EEFSEC: variants seen among roughly 807,000 people sequenced by gnomAD.
The protein encoded by EEFSEC is eukaryotic elongation factor, selenocysteine-tRNA specific.
EEFSEC carries 43 observed loss-of-function variants against 42.1 expected under a neutral mutation model. That is an observed-to-expected ratio of 1.02 (90% CI 0.80 to 1.32). EEFSEC has a LOEUF of 1.32. Ranked by LOEUF, EEFSEC falls within the 40% of genes most tolerant of loss-of-function variation. The probability of loss-of-function intolerance (pLI) is 0.00; values close to 1 mark genes in which losing one functional copy is unlikely to be tolerated. For synonymous variants in EEFSEC, 354 were observed against 339.1 expected, an observed-to-expected ratio of 1.04 and a Z score of -0.48; for missense variants, 745 against 803.6, an observed-to-expected ratio of 0.93 and a Z score of 0.88.
chr3:128,352,033 G>A (rs1235550584), intron 5 of EEFSEC, among the ~76,000 whole-genome samples: 1 of 152,190 alleles, frequency 6.6e-6, no homozygotes, highest in Non-Finnish European at 1.5e-5. Context: ...TTCCTCATTG[G>A]ATGTGCTTGT....
chr3:128,386,449 T>C (rs1339543785), intron 6 of EEFSEC, among the ~76,000 whole-genome samples: 16 of 151,102 alleles, frequency 1.1e-4, no homozygotes, highest in Admixed American at 1.1e-3. Context: ...CCCCCAGCCC[T>C]GTGGGATATG....
At chr3:128,348,889 T>C (rs148145318) in intron 5 of EEFSEC, among the ~76,000 whole-genome samples, 253 of 152,292 alleles carry the variant, frequency 1.7e-3, no homozygotes, top group African/African-American at 5.5e-3. Flanking sequence ...TGGGTCTTTC[T>C]AGTGGAGGAC....
At chr3:128,233,722 T>C (rs2065981310) in intron 1 of EEFSEC, among the ~76,000 whole-genome samples, 5 of 152,216 alleles carry the variant, frequency 3.3e-5, no homozygotes, top group Admixed American at 3.3e-4. Context: ...ATGCAGGCTC[T>C]TAGACTCTGG....
At chr3:128,378,145 G>A (rs2067731039) in intron 6 of EEFSEC, among the ~76,000 whole-genome samples, 1 of 152,166 alleles carries the variant, frequency 6.6e-6, no homozygotes, top group African/African-American at 2.4e-5. Flanking sequence ...TCTCCATAGT[G>A]TATACTCGTC....
chr3:128,226,961 C>A (rs1170033202), intron 1 of EEFSEC, among the ~76,000 whole-genome samples: 1 of 152,134 alleles, frequency 6.6e-6, no homozygotes, highest in African/African-American at 2.4e-5. Context: ...CCTGGGACAC[C>A]AGCCTGGCCT....
chr3:128,199,760 G>A (rs919463778), intron 1 of EEFSEC, among the ~76,000 whole-genome samples: 33 of 152,188 alleles, frequency 2.2e-4, no homozygotes, highest in African/African-American at 7.5e-4. Context: ...TTGAGATGGG[G>A]TCTCACTCTG....
intron 1 of EEFSEC, among the ~76,000 whole-genome samples, chr3:128,242,299 A>G (rs1376516823): frequency 6.6e-6 from 1 of 152,236 alleles, no homozygotes; most frequent in Non-Finnish European, 1.5e-5. Flanking sequence ...AGCCTGGGCA[A>G]CAGTAAGACC....
chr3:128,231,839 G>A (rs576899710), intron 1 of EEFSEC, among the ~76,000 whole-genome samples: 3 of 152,092 alleles, frequency 2.0e-5, no homozygotes, highest in African/African-American at 4.8e-5. Context: ...CCATCCTGTC[G>A]TATCTCCCCC....
intron 1 of EEFSEC, among the ~76,000 whole-genome samples, chr3:128,224,857 A>T (rs910313507): frequency 1.3e-5 from 2 of 152,246 alleles, no homozygotes; most frequent in African/African-American, 4.8e-5. Flanking sequence ...ATATAAGAAC[A>T]TATACATCCC....
chr3:128,306,243 G>A (rs908882135), intron 4 of EEFSEC, among the ~76,000 whole-genome samples: 4 of 152,172 alleles, frequency 2.6e-5, no homozygotes, highest in Admixed American at 6.5e-5. Flanking sequence ...AGAATATAAA[G>A]TTTGAGATAA....
chr3:128,377,754 C>G (rs906022735), intron 6 of EEFSEC, among the ~76,000 whole-genome samples: 1 of 152,222 alleles, frequency 6.6e-6, no homozygotes, highest in South Asian at 2.1e-4. Context: ...ATGAAAACAT[C>G]ACAGACATTT....
At chr3:128,320,229 G>T (rs1447870662) in intron 4 of EEFSEC, among the ~76,000 whole-genome samples, 1 of 152,212 alleles carries the variant, frequency 6.6e-6, no homozygotes, top group Non-Finnish European at 1.5e-5. Flanking sequence ...GGGCACTGGG[G>T]CAGAGCGCCA....
Position 128,195,944 on chromosome 3 carries a change from C to T in EEFSEC, c.316+42121C>T, listed in dbSNP as rs1049109537. Among the ~76,000 whole-genome samples, 7 of 152,218 alleles carry T rather than the reference C, an allele frequency of 4.6e-5. No homozygotes were observed. In the South Asian group the frequency reaches 6.2e-4, roughly 13 times the overall value. ...GAAGAACTGCTCTTCAAGAAGCAACCGTGGCCTGGCTAGACTTGGGCAATG... is the reference window on the plus strand; with the variant it reads ...GAAGAACTGCTCTTCAAGAAGCAACTGTGGCCTGGCTAGACTTGGGCAATG... On this transcript the variant is annotated intron_variant, in intron 1 of 6. Coordinates refer to ENST00000254730, the MANE Select transcript of EEFSEC (RefSeq NM_021937.5).
intron 1 of EEFSEC, among the ~76,000 whole-genome samples, chr3:128,237,505 G>A (rs192702278): frequency 3.4e-4 from 52 of 152,222 alleles, no homozygotes; most frequent in Admixed American, 6.5e-4. Context: ...ACAATTATGT[G>A]ATTGTCCCTG....
intron 4 of EEFSEC, among the ~76,000 whole-genome samples, chr3:128,327,074 C>G (rs755747332): frequency 7.9e-5 from 12 of 152,216 alleles, no homozygotes; most frequent in Admixed American, 2.0e-4. Context: ...ACAGAGCTAC[C>G]ACACTGCCTG....
the EEFSEC span, among the ~76,000 whole-genome samples, chr3:128,425,416 C>G: frequency 6.6e-6 from 1 of 152,022 alleles, no homozygotes; most frequent in South Asian, 2.1e-4. Flanking sequence ...GAAGGACACT[C>G]GGGCTGCTTC....
At chr3:128,159,339 C>T (rs1259022569) in intron 1 of EEFSEC, among the ~76,000 whole-genome samples, 3 of 152,262 alleles carry the variant, frequency 2.0e-5, no homozygotes, top group Non-Finnish European at 4.4e-5. Context: ...GGTCCACAAA[C>T]TTGTGGGCAT....
intron 4 of EEFSEC, among the ~76,000 whole-genome samples, chr3:128,285,699 C>A (rs1226035721): frequency 2.6e-5 from 4 of 152,108 alleles, no homozygotes; most frequent in Non-Finnish European, 5.9e-5. Flanking sequence ...GGACACCAAC[C>A]CAGCTCCCCT....
chr3:128,192,146 T>C (rs1347589197), intron 1 of EEFSEC, among the ~76,000 whole-genome samples: 2 of 152,228 alleles, frequency 1.3e-5, no homozygotes, highest in African/African-American at 4.8e-5. Context: ...GAGTGGTGGC[T>C]GGTGCAGTGT....
Sources: gnomAD v4.1 joint callset for allele counts (sites outside exome capture counted in the v4.1 genomes callset) on GRCh38, gnomAD v4.1.1 for gene constraint, MANE v1.5 for transcripts, NCBI Gene and HGNC (gene_info 2026-07-23, HGNC 2026-07-21) for gene names.